The following RICTOR variants were observed in gnomAD, a reference collection of about 807,000 sequenced individuals.
RICTOR encodes the protein RPTOR independent companion of MTOR complex 2.
A neutral mutation model predicts 214.9 loss-of-function variants in RICTOR; 49 were observed. That is an observed-to-expected ratio of 0.23 (90% CI 0.18 to 0.29). The LOEUF (loss-of-function observed/expected upper bound fraction) is 0.29, where lower values mean the gene tolerates loss of function less well. Ranked by LOEUF, RICTOR falls within the 10% of genes least tolerant of loss-of-function variation. The probability of loss-of-function intolerance (pLI) is 1.00; values close to 1 mark genes in which losing one functional copy is unlikely to be tolerated. For missense variants in RICTOR, 1,625 were observed against 2,047.0 expected, an observed-to-expected ratio of 0.79 and a Z score of 3.98; for synonymous variants, 717 against 711.3, an observed-to-expected ratio of 1.01 and a Z score of -0.13.
In RICTOR at chr5:38,990,639, C is replaced by CAT. The variant is rs1381324325; in HGVS notation, c.583+308_583+309dup. 2.4e-5 allele frequency among the ~76,000 whole-genome samples: 2 copies of CAT among 82,298 alleles called. 1 individual carries two copies. Among genetic ancestry groups the CAT allele is most frequent in the African/African-American group, 9.3e-5 (2 of 21,620 alleles). The allele number at this position is 82,298 out of a possible 152,430, so 54.0% of individuals were successfully genotyped here. A position where few individuals can be genotyped will look rare whatever the true frequency, so the allele number is the denominator to read the frequency against. ...TACGATATATGATATATATATCTGA[C>CAT]ATATATCAGATATATGATATATATC... On this transcript the variant is annotated intron_variant, in intron 7 of 37. Coordinates refer to ENST00000357387, the MANE Select transcript of RICTOR (RefSeq NM_152756.5).
Position 38,957,744 on chromosome 5 carries a change from C to T in RICTOR, c.2421-14G>A, listed in dbSNP as rs760721410. 1.4e-6 allele frequency: 2 copies of T among 1,445,534 alleles called. No homozygotes were observed. The highest frequency in any genetic ancestry group is 1.9e-6 in the Non-Finnish European group (2 of 1,038,598). The allele number at this position is 1,445,534 out of a possible 1,614,324, so 89.5% of individuals were successfully genotyped here. Reference sequence around the variant, plus strand: ...ATGGAGAGAAATCTGCAAATTAAAACAAGCAATAGTTTAACATTGAGTCTG... The same window carrying T: ...ATGGAGAGAAATCTGCAAATTAAAATAAGCAATAGTTTAACATTGAGTCTG... On this transcript the variant is annotated splice_polypyrimidine_tract_variant and intron_variant, in intron 24 of 37. Transcript: ENST00000357387.
intron 5 of RICTOR, among the ~76,000 whole-genome samples, chr5:38,997,406 T>A: frequency 6.6e-6 from 1 of 152,198 alleles, no homozygotes; most frequent in East Asian, 1.9e-4. Flanking sequence ...CATTTCTTTG[T>A]AAAATTTATT....
intron 2 of RICTOR, among the ~76,000 whole-genome samples, chr5:39,034,887 G>A (rs1200568459): frequency 3.9e-5 from 6 of 152,354 alleles, no homozygotes; most frequent in South Asian, 2.1e-4. Context: ...CCACCTCTGG[G>A]GGCAGGGCAC....
At position 38,950,530 on chromosome 5, in the gene RICTOR, G is replaced by T. The variant is rs1426689133; in HGVS notation, c.3318C>A (p.Asn1106Lys). 5.0e-6 allele frequency: 8 copies of T among 1,612,730 alleles called. No homozygotes were observed. Among genetic ancestry groups the T allele is most frequent in the Non-Finnish European group, 6.8e-6 (8 of 1,179,380 alleles). Reference sequence around the variant, plus strand: ...GATCACTGCTACTACGATGTTTTTTGTTAGGCAAAGTAAGCGAATTTAAGA... The same window carrying T: ...GATCACTGCTACTACGATGTTTTTTTTTAGGCAAAGTAAGCGAATTTAAGA... ...NRILNSLTLP[N>K]KKHRSSSDPK... Residue 1106 changes from asparagine (N) to lysine (K), a missense_variant, in exon 31 of 38, where the codon AAC (asparagine) becomes AAA (lysine). This residue lies in a region of RICTOR where 1,214 missense variants were observed against 1,470.5 expected (regional missense o/e 0.83). Transcript: ENST00000357387.
At chr5:38,953,238 A>T (rs1000592672) in intron 28 of RICTOR, 147 bp from the exon 29 acceptor site, 23 of 616,146 alleles carry the variant, frequency 3.7e-5, no homozygotes, top group African/African-American at 2.4e-4. Context: ...GCATGAATTA[A>T]TTCTAGTTGT....
chr5:39,011,625 C>A (rs1224268971), intron 3 of RICTOR, among the ~76,000 whole-genome samples: 3 of 152,324 alleles, frequency 2.0e-5, no homozygotes, highest in East Asian at 3.9e-4. Context: ...CTGCCCAAGG[C>A]TGTGGGAGCT....
At chr5:38,944,630 C>A (rs1747970025) in intron 35 of RICTOR, 61 bp from the exon 36 acceptor site, 1 of 1,399,236 alleles carries the variant, frequency 7.1e-7, no homozygotes, top group South Asian at 1.3e-5. Flanking sequence ...GATTAAAACT[C>A]ATGAAATTTA....
intron 14 of RICTOR, 138 bp from the exon 15 acceptor site, chr5:38,966,859 G>A (rs926090215): frequency 8.6e-5 from 51 of 593,642 alleles, no homozygotes; most frequent in Non-Finnish European, 1.3e-4. Context: ...GGAATGCAAC[G>A]GCAAGATCTC....
chr5:39,018,803 G>A (rs529974009), intron 3 of RICTOR, among the ~76,000 whole-genome samples: 2 of 152,242 alleles, frequency 1.3e-5, no homozygotes, highest in South Asian at 4.1e-4. Flanking sequence ...AAGTGAAAGG[G>A]AGAGTCAACC....
intron 6 of RICTOR, among the ~76,000 whole-genome samples, chr5:38,993,905 A>G (rs1580039238): frequency 2.0e-5 from 3 of 152,168 alleles, no homozygotes; most frequent in Non-Finnish European, 4.4e-5. Context: ...AAAATTGGCC[A>G]GGCGCGGTGG....
intron 19 of RICTOR, 125 bp downstream of exon 19, chr5:38,962,190 T>C: frequency 2.4e-6 from 1 of 412,866 alleles, no homozygotes; most frequent in Non-Finnish European, 4.5e-6. Flanking sequence ...TATGAGTACC[T>C]ATTGAAGAGA....
rs1307156818 is a variant in RICTOR at position 38,941,013 on chromosome 5, A to G, written c.*1291T>C. On this transcript the variant is annotated 3_prime_UTR_variant, in exon 38 of 38. Coordinates refer to ENST00000357387, the MANE Select transcript of RICTOR (RefSeq NM_152756.5). ...TTTATATATAGATCTCAAAAAAGAT[A>G]ATCCTTTCATTTACAAGCATTCAAA... 4.3e-6 allele frequency: 1 copy of G among 232,772 alleles called. No homozygotes were observed. Among genetic ancestry groups the G allele is most frequent in the Non-Finnish European group, 8.5e-6 (1 of 117,572 alleles). 14.4% of individuals were successfully genotyped at this position (232,772 alleles called of 1,614,324 possible). A position where few individuals can be genotyped will look rare whatever the true frequency, so the allele number is the denominator to read the frequency against.
intron 2 of RICTOR, among the ~76,000 whole-genome samples, chr5:39,054,702 G>A (rs1055080907): frequency 3.3e-5 from 5 of 152,132 alleles, no homozygotes; most frequent in Non-Finnish European, 5.9e-5. Flanking sequence ...TGAAGAGCAA[G>A]GTCTGATTTA....
At chr5:38,994,946 G>C (rs1268725772) in intron 6 of RICTOR, among the ~76,000 whole-genome samples, 1 of 152,122 alleles carries the variant, frequency 6.6e-6, no homozygotes, top group Non-Finnish European at 1.5e-5. Flanking sequence ...GCAATACAAA[G>C]ACATTATTTG....
At chr5:39,049,979 G>A (rs1167650092) in intron 2 of RICTOR, among the ~76,000 whole-genome samples, 3 of 152,036 alleles carry the variant, frequency 2.0e-5, no homozygotes, top group Non-Finnish European at 4.4e-5. Flanking sequence ...AAAACCCAAG[G>A]ACTGACACTT....
intron 7 of RICTOR, among the ~76,000 whole-genome samples, chr5:38,990,646 CAGATATA>C (rs2150078408): frequency 1.2e-5 from 1 of 84,070 alleles, no homozygotes; most frequent in Non-Finnish European, 2.4e-5. Flanking sequence ...TGACATATAT[CAGATATA>C]TGATATATAT....
intron 10 of RICTOR, among the ~76,000 whole-genome samples, chr5:38,974,877 C>CT (rs924701174): frequency 6.6e-6 from 1 of 152,134 alleles, no homozygotes; most frequent in East Asian, 1.9e-4. Context: ...GGTGAATTTC[C>CT]TTTTTTTGCT....
chr5:38,992,337 C>T (rs1189406994), intron 6 of RICTOR, among the ~76,000 whole-genome samples: 5 of 151,986 alleles, frequency 3.3e-5, no homozygotes, highest in African/African-American at 7.2e-5. Context: ...CATCTTATGT[C>T]GGTAAGTTCT....
At chr5:38,948,942 T>C (rs1748458088) in intron 31 of RICTOR, among the ~76,000 whole-genome samples, 1 of 152,092 alleles carries the variant, frequency 6.6e-6, no homozygotes, top group Admixed American at 6.6e-5. Flanking sequence ...CTAACTTTTA[T>C]TGAGTGCTTA....
Sources: gnomAD v4.1 joint callset for allele counts (sites outside exome capture counted in the v4.1 genomes callset) on GRCh38, gnomAD v4.1.1 for gene constraint, gnomAD v4.1.1 regional missense constraint, MANE v1.5 for transcripts, NCBI Gene and HGNC (gene_info 2026-07-23, HGNC 2026-07-21) for gene names.